Variants in PLEKHG1 observed in about 807,000 individuals in gnomAD.
The protein encoded by PLEKHG1 is pleckstrin homology domain-containing family G member 1.
Under a neutral mutation model 100.8 loss-of-function variants are expected in PLEKHG1, and 44 were observed. The observed-to-expected ratio is 0.44, with a 90% CI of 0.34 to 0.56. PLEKHG1 has a LOEUF of 0.56. PLEKHG1 is among the 20% of genes least tolerant of loss of function. PLEKHG1 has a pLI of 0.01. For missense variants in PLEKHG1, 1,545 were observed against 1,720.9 expected (o/e 0.90, Z 1.81); for synonymous variants, 640 against 662.5 (o/e 0.97, Z 0.52).
At position 150,668,930 on chromosome 6, in the gene PLEKHG1, G is replaced by A. The variant is rs1395330321; in HGVS notation, c.-99+18144G>A. On this transcript the variant is annotated intron_variant, in intron 3 of 3. Transcript: ENST00000367326. ...TAAAATGGCAGCTGAATTATTGTGAGCAATGTAGCTCAAGTATCTGGCCGT... is the reference window on the plus strand; with the variant it reads ...TAAAATGGCAGCTGAATTATTGTGAACAATGTAGCTCAAGTATCTGGCCGT... Among the ~76,000 whole-genome samples, 10 of 152,182 alleles carry A rather than the reference G, an allele frequency of 6.6e-5. No individual in the cohort carries two copies. The East Asian group carries it at 1.9e-3, about 29-fold the overall frequency.
exon 15 of PLEKHG1, chr6:150,832,002 T>G (rs766199340): frequency 1.9e-6 from 3 of 1,613,638 alleles, no homozygotes; most frequent in Non-Finnish European, 2.5e-6. Flanking sequence ...AACCCTGACC[T>G]GGGGATGGAG....
chr6:150,744,982 G>A (rs1783076679), intron 2 of PLEKHG1, among the ~76,000 whole-genome samples: 1 of 152,194 alleles, frequency 6.6e-6, no homozygotes. Context: ...AGATGATAGA[G>A]GGAAAGAGCT....
Position 150,682,789 on chromosome 6 carries a change from C to A in PLEKHG1, c.-99+32003C>A, listed in dbSNP as rs75524486. On this transcript the variant is annotated intron_variant, in intron 3 of 3. Coordinates refer to the PLEKHG1 transcript ENST00000367326. The stretch of plus-strand genomic sequence containing the variant: ...AGAGTGCAGCCAGATCATGCCTGCC[C>A]AGTTTTCCCTTCCTATGCATGCCAG... Among the ~76,000 whole-genome samples the A allele has an allele frequency of 4.2e-3, 633 of 152,210 alleles. 11 individuals carry two copies. In the East Asian group the frequency reaches 0.042, roughly 10 times the overall value.
At chr6:150,709,970 T>C (rs1781186163) in intron 3 of PLEKHG1, among the ~76,000 whole-genome samples, 1 of 152,098 alleles carries the variant, frequency 6.6e-6, no homozygotes, top group African/African-American at 2.4e-5. Context: ...TATTTTTTTG[T>C]AGAGATGGGG....
intron 1 of PLEKHG1, among the ~76,000 whole-genome samples, chr6:150,723,510 T>C (rs180891884): frequency 2.4e-3 from 364 of 152,348 alleles, no homozygotes; most frequent in Middle Eastern, 3.4e-3. Flanking sequence ...CAAGGAAGGA[T>C]GGACTAGAAG....
At chr6:150,827,963 G>A (rs1404299091) in intron 14 of PLEKHG1, 19 of 1,612,132 alleles carry the variant, frequency 1.2e-5, no homozygotes, top group South Asian at 2.2e-5. Context: ...TCTCAGGGAA[G>A]GATTATGTTC....
At chr6:150,800,719 G>T (rs749015361) in exon 6 of PLEKHG1, 1 of 1,613,540 alleles carries the variant, frequency 6.2e-7, no homozygotes, top group South Asian at 1.1e-5. Context: ...CTTCCTGCAG[G>T]TCCGTGGCTG....
chr6:150,831,852 A>G lies in PLEKHG1; in HGVS notation c.2741A>G (p.Asn914Ser), dbSNP rs1337488394. 2 of 1,613,340 alleles carry G rather than the reference A, an allele frequency of 1.2e-6. No individual in the cohort carries two copies. The highest frequency in any genetic ancestry group is 1.7e-6 in the Non-Finnish European group (2 of 1,179,538). The change falls in exon 15 of 16, where the codon AAC (asparagine) becomes AGC (serine). Residue 914 changes from asparagine (N) to serine (S), a missense_variant. Asn to Ser is a conservative substitution (Grantham distance 46). Transcript: ENST00000358517. This position sits in a 1 kb window ranked among gnomAD's most constrained non-coding sequence, Gnocchi z 4.1. ...AGGGCTGGCAGAGCCAGCCGCGCCA[A>G]CTGCCCCTTTGAGGAAGACCTGATT...
intron 3 of PLEKHG1, among the ~76,000 whole-genome samples, chr6:150,689,221 AT>A (rs199863317): frequency 0.01 from 1,562 of 152,290 alleles, 26 homozygotes; most frequent in South Asian, 0.071. Flanking sequence ...AGTTCATTTC[AT>A]TTTATGACTA....
rs190905538 is a variant in PLEKHG1 at position 150,758,203 on chromosome 6, G to C, written c.412-10435G>C. Among the ~76,000 whole-genome samples the C allele has an allele frequency of 1.1e-3, 169 of 152,264 alleles. 2 individuals carry two copies. The highest frequency in any genetic ancestry group is 3.9e-3 in the African/African-American group (162 of 41,546). On this transcript the variant is annotated intron_variant, in intron 2 of 15. Transcript: ENST00000358517. ...TCCTTTGGGTATATAGCCAGTAATGGGATTGCTGGGTCAAATGCTATTTCT... is the reference window on the plus strand; with the variant it reads ...TCCTTTGGGTATATAGCCAGTAATGCGATTGCTGGGTCAAATGCTATTTCT...
chr6:150,793,355 C>T (rs2128657552), intron 4 of PLEKHG1, among the ~76,000 whole-genome samples: 1 of 152,138 alleles, frequency 6.6e-6, no homozygotes, highest in Admixed American at 6.5e-5. Context: ...TGAACTGTGA[C>T]CACCACTGTA....
At chr6:150,748,120 A>G (rs1364701332) in intron 2 of PLEKHG1, among the ~76,000 whole-genome samples, 3 of 152,332 alleles carry the variant, frequency 2.0e-5, no homozygotes, top group South Asian at 2.1e-4. Context: ...GGTATCCCAT[A>G]TAAGTGTAAT....
chr6:150,681,761 T>G (rs558554307), intron 3 of PLEKHG1, among the ~76,000 whole-genome samples: 2 of 152,202 alleles, frequency 1.3e-5, no homozygotes, highest in South Asian at 2.1e-4. Flanking sequence ...GGAGCCAACT[T>G]GAGGCCCTGT....
At chr6:150,791,676 G>GAAA (rs34212457) in intron 4 of PLEKHG1, among the ~76,000 whole-genome samples, 9 of 103,794 alleles carry the variant, frequency 8.7e-5, no homozygotes, top group Admixed American at 2.0e-4. Flanking sequence ...TCTCAAAAAA[G>GAAA]AAAAAAAAAA....
intron 3 of PLEKHG1, chr6:150,662,629 TG>T (rs1345566631): frequency 6.6e-6 from 1 of 152,226 alleles, no homozygotes; most frequent in African/African-American, 2.4e-5. Flanking sequence ...TTGGCCAGGC[TG>T]GTCTTGAACT....
chr6:150,735,010 G>T (rs1353843269), intron 2 of PLEKHG1, among the ~76,000 whole-genome samples: 1 of 137,000 alleles, frequency 7.3e-6, no homozygotes, highest in Non-Finnish European at 1.5e-5. Context: ...TTTTGAGACG[G>T]AGTTTAGCTC....
rs1490733762 is a variant in PLEKHG1 at position 150,733,936 on chromosome 6, G to T, written c.255G>T (p.Arg85Ser). ...AGAACGCGGATGAGGGCAGCGAAAG[G>T]CCACCCAGAGCGCAGTGGAGAGTGG... is the stretch of plus-strand genomic sequence containing the variant. The change falls in exon 2 of 16, where the codon AGG becomes AGT. Residue 85 changes from arginine to serine, a missense_variant. Coordinates refer to ENST00000358517, the Ensembl canonical transcript of PLEKHG1. 33 of 1,614,208 alleles carry T rather than the reference G, an allele frequency of 2.0e-5. No individual in the cohort carries two copies. Among genetic ancestry groups the T allele is most frequent in the Non-Finnish European group, 2.8e-5 (33 of 1,180,050 alleles).
chr6:150,740,657 G>T (rs1782808751), intron 2 of PLEKHG1, among the ~76,000 whole-genome samples: 1 of 152,122 alleles, frequency 6.6e-6, no homozygotes, highest in African/African-American at 2.4e-5. Context: ...TTATGTGGGT[G>T]GATTTAATAA....
At chr6:150,688,683 C>CA (rs1443736639) in intron 3 of PLEKHG1, among the ~76,000 whole-genome samples, 2 of 152,072 alleles carry the variant, frequency 1.3e-5, no homozygotes, top group African/African-American at 4.8e-5. Context: ...ATAAATTTGA[C>CA]AAATTTCTGT....
Sources: gnomAD v4.1 joint callset for allele counts (sites outside exome capture counted in the v4.1 genomes callset) on GRCh38, gnomAD v4.1.1 for gene constraint, Gnocchi (gnomAD v3.1) non-coding constraint, MANE v1.5 for transcripts, NCBI Gene and HGNC (gene_info 2026-07-23, HGNC 2026-07-21) for gene names.